Variants in EPS15 observed in about 807,000 individuals in gnomAD.
The protein encoded by EPS15 is epidermal growth factor receptor substrate 15.
Under a neutral mutation model 113.8 loss-of-function variants are expected in EPS15, and 72 were observed. That is an observed-to-expected ratio of 0.63 (90% CI 0.52 to 0.77). EPS15 has a LOEUF of 0.77. Ranked by LOEUF, EPS15 falls within the 30% of genes least tolerant of loss-of-function variation. EPS15 has a pLI of 0.00. For synonymous variants in EPS15, 344 were observed against 363.4 expected (o/e 0.95, Z 0.61); for missense variants, 1,048 against 1,045.8 (o/e 1.00, Z -0.03).
chr1:51,399,674 C>CCG (rs1648327608), intron 19 of EPS15, among the ~76,000 whole-genome samples: 3 of 151,496 alleles, frequency 2.0e-5, no homozygotes, highest in African/African-American at 7.3e-5. Context: ...GCCTGGCTAA[C>CCG]ACAGTGAAAC....
At chr1:51,404,664 G>A (rs1425447562) in intron 16 of EPS15, among the ~76,000 whole-genome samples, 3 of 152,114 alleles carry the variant, frequency 2.0e-5, no homozygotes, top group Non-Finnish European at 2.9e-5. Context: ...TTCAATGGCT[G>A]TTCATTGCAG....
At chr1:51,478,150 T>C (rs1454339031) in intron 2 of EPS15, among the ~76,000 whole-genome samples, 7 of 152,018 alleles carry the variant, frequency 4.6e-5, no homozygotes, top group African/African-American at 7.2e-5. Context: ...GTATTGGGTG[T>C]ATATATATTT....
chr1:51,518,062 G>A (rs190821696), intron 1 of EPS15, among the ~76,000 whole-genome samples: 2 of 152,110 alleles, frequency 1.3e-5, no homozygotes, highest in African/African-American at 4.8e-5. Context: ...AAGGAAGACG[G>A]GATGGGCCCC....
intron 1 of EPS15, among the ~76,000 whole-genome samples, chr1:51,492,821 C>T (rs1644258660): frequency 6.6e-6 from 1 of 152,220 alleles, no homozygotes; most frequent in South Asian, 2.1e-4. Flanking sequence ...CCTCAAATGG[C>T]AGCTGTCAGG....
chr1:51,391,639 G>A (rs529980661), intron 21 of EPS15, among the ~76,000 whole-genome samples: 1 of 152,160 alleles, frequency 6.6e-6, no homozygotes, highest in Admixed American at 6.6e-5. Flanking sequence ...GGCTGGAGCA[G>A]AGTGAGTAAT....
rs758787891 is a variant in EPS15, at chr1:51,461,176, G to A, written c.502-26C>T. 1.9e-5 allele frequency: 28 copies of A among 1,485,008 alleles called. No homozygotes were observed. The Admixed American group carries it at 4.7e-4, about 25-fold the overall frequency. 92.0% of individuals were successfully genotyped at this position (1,485,008 alleles called of 1,614,324 possible). On this transcript the variant is annotated intron_variant, in intron 7 of 24. Coordinates refer to ENST00000371733, the MANE Select transcript of EPS15 (RefSeq NM_001981.3). ...CTTAAAAAGAGAATAATTGAAAAAA[G>A]ATTAATGTTCTTTCAGTTCATGTTC... is the stretch of plus-strand genomic sequence containing the variant.
chr1:51,357,990 C>T (rs970336639), intron 24 of EPS15, among the ~76,000 whole-genome samples: 2 of 152,054 alleles, frequency 1.3e-5, no homozygotes, highest in Non-Finnish European at 2.9e-5. Context: ...CCGCCCATCT[C>T]GGCCTCCCAA....
chr1:51,361,208 T>C lies in EPS15; in HGVS notation c.2507A>G (p.Lys836Arg), dbSNP rs1242161225. The change falls in exon 24 of 25, where the codon AAA becomes AGA. Residue 836 changes from lysine to arginine, a missense_variant. Transcript: ENST00000371733. ...PFTSATTTTN[K>R]EADPSNFANF... ...GGCAAAATTGCTTGGATCAGCCTCTTTATTGGTAGTGGTAGTAGCAGAAGT... is the reference window on the plus strand; with the variant it reads ...GGCAAAATTGCTTGGATCAGCCTCTCTATTGGTAGTGGTAGTAGCAGAAGT... 1 of 1,614,036 alleles carries C rather than the reference T, an allele frequency of 6.2e-7. No individual in the cohort carries two copies. The highest frequency in any genetic ancestry group is 8.5e-7 in the Non-Finnish European group (1 of 1,179,902).
intron 12 of EPS15, chr1:51,423,487 G>C (rs1250621565): frequency 2.0e-6 from 2 of 985,242 alleles, no homozygotes; most frequent in African/African-American, 3.5e-5. Flanking sequence ...TCTTGCTGCA[G>C]CATGTTAGAG....
chr1:51,370,670 G>A (rs148648502), intron 21 of EPS15, among the ~76,000 whole-genome samples: 6,168 of 151,688 alleles, frequency 0.041, 172 homozygotes, highest in Middle Eastern at 0.058. Flanking sequence ...GCCCAGGCTG[G>A]AGTGCAGTGG....
At chr1:51,427,400 C>G (rs17106564) in intron 12 of EPS15, among the ~76,000 whole-genome samples, 1 of 152,196 alleles carries the variant, frequency 6.6e-6, no homozygotes. Flanking sequence ...GTGAGATAGG[C>G]ACCTGTCATT....
intron 19 of EPS15, among the ~76,000 whole-genome samples, chr1:51,399,666 C>T (rs1316547824): frequency 6.6e-6 from 1 of 151,564 alleles, no homozygotes; most frequent in East Asian, 1.9e-4. Context: ...TAAGACCGGC[C>T]TGGCTAACAC....
At chr1:51,487,683 G>C (rs970544930) in intron 1 of EPS15, among the ~76,000 whole-genome samples, 1 of 152,132 alleles carries the variant, frequency 6.6e-6, no homozygotes. Context: ...TCTCCAACCT[G>C]TGCCTTAATA....
intron 11 of EPS15, among the ~76,000 whole-genome samples, chr1:51,441,641 T>G (rs980575237): frequency 5.9e-5 from 9 of 152,110 alleles, no homozygotes; most frequent in Non-Finnish European, 1.5e-5. Context: ...CATATTTATA[T>G]ACTCATTTAC....
At chr1:51,455,634 C>A (rs1021281079) in intron 8 of EPS15, among the ~76,000 whole-genome samples, 1 of 151,850 alleles carries the variant, frequency 6.6e-6, no homozygotes, top group African/African-American at 2.4e-5. Flanking sequence ...CAAAATGTCG[C>A]CTTAATGCTC....
chr1:51,499,727 C>T (rs1472501301), intron 1 of EPS15, among the ~76,000 whole-genome samples: 2 of 152,038 alleles, frequency 1.3e-5, no homozygotes, highest in Non-Finnish European at 2.9e-5. Context: ...AACTTACTGG[C>T]AATTTGCATA....
intron 23 of EPS15, among the ~76,000 whole-genome samples, chr1:51,362,913 A>C (rs1401799886): frequency 6.6e-6 from 1 of 152,198 alleles, no homozygotes; most frequent in Admixed American, 6.5e-5. Flanking sequence ...AAACAAAACA[A>C]ACTTTCCTTT....
intron 1 of EPS15, among the ~76,000 whole-genome samples, chr1:51,508,384 G>GAAAGAAAGAAAGAAAGAA (rs1553139584): frequency 1.4e-5 from 2 of 145,888 alleles, no homozygotes; most frequent in East Asian, 4.0e-4. Flanking sequence ...AAGAAAGAAA[G>GAAAGAAAGAAAGAAAGAA]AGAAAATTTA....
intron 9 of EPS15, among the ~76,000 whole-genome samples, 158 bp from the exon 10 acceptor site, chr1:51,447,263 A>C (rs1316495040): frequency 6.6e-6 from 1 of 152,220 alleles, no homozygotes; most frequent in African/African-American, 2.4e-5. Flanking sequence ...TCTCAATCAA[A>C]ATGCTGTGGG....
Sources: gnomAD v4.1 joint callset for allele counts (sites outside exome capture counted in the v4.1 genomes callset) on GRCh38, gnomAD v4.1.1 for gene constraint, MANE v1.5 for transcripts, NCBI Gene and HGNC (gene_info 2026-07-23, HGNC 2026-07-21) for gene names.